TRAPPC9: variants seen among roughly 807,000 people sequenced by gnomAD.
TRAPPC9 encodes the protein IKK2 binding protein.
Under a neutral mutation model 124.0 loss-of-function variants are expected in TRAPPC9, and 83 were observed. That is an observed-to-expected ratio of 0.67 (90% CI 0.56 to 0.80). TRAPPC9 has a LOEUF of 0.80. TRAPPC9 is among the 30% of genes least tolerant of loss of function. TRAPPC9 has a pLI of 0.00. For missense variants in TRAPPC9, 1,302 were observed against 1,508.3 expected (o/e 0.86, Z 2.27); for synonymous variants, 638 against 617.5 (o/e 1.03, Z -0.49).
chr8:139,761,487 C>A (rs1188441973), intron 21 of TRAPPC9, among the ~76,000 whole-genome samples: 1 of 152,188 alleles, frequency 6.6e-6, no homozygotes, highest in Non-Finnish European at 1.5e-5. Flanking sequence ...CGGTGTGCGC[C>A]AGTTCCCTGC....
chr8:139,957,627 G>A (rs1835086797), intron 19 of TRAPPC9, among the ~76,000 whole-genome samples: 1 of 152,216 alleles, frequency 6.6e-6, no homozygotes, highest in South Asian at 2.1e-4. Context: ...CAAGCTTGGA[G>A]AGGCAGAGGG....
At chr8:139,822,545 G>T (rs941759624) in intron 21 of TRAPPC9, among the ~76,000 whole-genome samples, 1 of 152,118 alleles carries the variant, frequency 6.6e-6, no homozygotes, top group Non-Finnish European at 1.5e-5. Context: ...ACACCCAGGG[G>T]CCAGACCTCA....
intron 9 of TRAPPC9, among the ~76,000 whole-genome samples, chr8:140,349,886 C>T (rs1025070160): frequency 1.1e-4 from 16 of 152,204 alleles, no homozygotes; most frequent in Non-Finnish European, 2.1e-4. Context: ...TGTCAGGCTG[C>T]AGAAGCCACC....
chr8:139,819,739 C>T (rs777913747), intron 21 of TRAPPC9, among the ~76,000 whole-genome samples: 7 of 151,970 alleles, frequency 4.6e-5, no homozygotes, highest in South Asian at 2.1e-4. Context: ...CCAGGCCGGG[C>T]GCAGTGGCTC....
intron 19 of TRAPPC9, among the ~76,000 whole-genome samples, chr8:139,930,447 G>T (rs1195818809): frequency 6.6e-6 from 1 of 152,184 alleles, no homozygotes; most frequent in African/African-American, 2.4e-5. Flanking sequence ...AAACAAGGGG[G>T]TCGATGACTA....
chr8:140,272,505 T>C (rs2064983626), intron 15 of TRAPPC9, among the ~76,000 whole-genome samples: 1 of 151,964 alleles, frequency 6.6e-6, no homozygotes. Context: ...ATGCCGGTGG[T>C]TGTGGTGGCA....
intron 19 of TRAPPC9, among the ~76,000 whole-genome samples, chr8:139,954,395 T>G (rs1563948852): frequency 6.6e-6 from 1 of 152,056 alleles, no homozygotes; most frequent in African/African-American, 2.4e-5. Context: ...AGGTAAAGCC[T>G]TTAGGAGGTA....
At chr8:140,324,950 A>G (rs1265116458) in intron 9 of TRAPPC9, among the ~76,000 whole-genome samples, 1 of 152,180 alleles carries the variant, frequency 6.6e-6, no homozygotes, top group Non-Finnish European at 1.5e-5. Flanking sequence ...AGACAGACCA[A>G]ATGCCACACC....
At chr8:139,876,904 A>G (rs1445506431) in intron 21 of TRAPPC9, among the ~76,000 whole-genome samples, 1 of 152,148 alleles carries the variant, frequency 6.6e-6, no homozygotes, top group Non-Finnish European at 1.5e-5. Flanking sequence ...CATGCTCCCC[A>G]AATGTGAGAG....
chr8:140,338,705 C>T (rs543986321), intron 9 of TRAPPC9, among the ~76,000 whole-genome samples: 1 of 151,788 alleles, frequency 6.6e-6, no homozygotes, highest in East Asian at 2.0e-4. Flanking sequence ...AAGACGGCCA[C>T]CTACAGGCCG....
chr8:140,331,367 A>G (rs1036012523), intron 9 of TRAPPC9, among the ~76,000 whole-genome samples: 1 of 152,196 alleles, frequency 6.6e-6, no homozygotes, highest in Non-Finnish European at 1.5e-5. Context: ...CTACAAATCT[A>G]ATAGAAGAAA....
intron 21 of TRAPPC9, among the ~76,000 whole-genome samples, chr8:139,777,061 C>A (rs767123829): frequency 1.7e-4 from 26 of 152,178 alleles, no homozygotes; most frequent in Non-Finnish European, 3.2e-4. Flanking sequence ...AGGTCCTTCA[C>A]CTTCCATGGC....
intron 17 of TRAPPC9, among the ~76,000 whole-genome samples, chr8:140,159,599 T>C (rs2061710713): frequency 1.3e-5 from 2 of 152,186 alleles, no homozygotes; most frequent in South Asian, 2.1e-4. Flanking sequence ...CTGAATCTCA[T>C]CCAAATCATT....
In TRAPPC9 at chr8:139,989,379, G is replaced by A. The variant is rs542498227; in HGVS notation, c.2700-543C>T. Among the ~76,000 whole-genome samples the A allele has an allele frequency of 7.3e-4, 111 of 152,284 alleles. 1 individual carries two copies. The highest frequency in any genetic ancestry group is 3.4e-3 in the Middle Eastern group (1 of 294). ...CCTCTCGAACTGGGGCAGACACTGC[G>A]GGGTCTACTCATCACCCTCCGAAGC... On this transcript the variant is annotated intron_variant, in intron 18 of 22. Transcript: ENST00000438773.
At chr8:140,344,882 C>T (rs1211485661) in intron 9 of TRAPPC9, among the ~76,000 whole-genome samples, 1 of 152,230 alleles carries the variant, frequency 6.6e-6, no homozygotes, top group Non-Finnish European at 1.5e-5. Flanking sequence ...CAGAAAGGTG[C>T]TATGGCGTGA....
At chr8:139,879,765 C>T (rs1329869241) in intron 21 of TRAPPC9, among the ~76,000 whole-genome samples, 4 of 152,204 alleles carry the variant, frequency 2.6e-5, no homozygotes, top group East Asian at 1.9e-4. Context: ...TTTAAATGCT[C>T]GATTTGTGAG....
At chr8:139,880,529 A>C (rs1366177700) in intron 21 of TRAPPC9, among the ~76,000 whole-genome samples, 1 of 151,814 alleles carries the variant, frequency 6.6e-6, no homozygotes, top group Non-Finnish European at 1.5e-5. Context: ...TGCACTCCCC[A>C]CCCTCCTCAC....
intron 17 of TRAPPC9, among the ~76,000 whole-genome samples, chr8:140,207,342 T>A (rs1352645300): frequency 6.6e-6 from 1 of 152,234 alleles, no homozygotes; most frequent in African/African-American, 2.4e-5. Flanking sequence ...GGGATAGAAT[T>A]CTTTTTGTTT....
At chr8:140,377,917 G>A (rs966401388) in intron 7 of TRAPPC9, among the ~76,000 whole-genome samples, 9 of 151,718 alleles carry the variant, frequency 5.9e-5, no homozygotes, top group South Asian at 2.1e-4. Context: ...CCACGATCAC[G>A]CCACTGCACT....
Sources: allele counts gnomAD v4.1 joint callset (sites outside exome capture counted in the v4.1 genomes callset), GRCh38; gene constraint gnomAD v4.1.1; transcripts MANE v1.5; gene names NCBI Gene and HGNC (gene_info 2026-07-23, HGNC 2026-07-21).